TTC3: variants seen among roughly 807,000 people sequenced by gnomAD.
TTC3 encodes E3 ubiquitin-protein ligase TTC3.
TTC3 carries 180 observed loss-of-function variants against 249.6 expected under a neutral mutation model. The ratio of observed to expected loss-of-function variants is 0.72; its 90% confidence interval spans 0.64 to 0.82. TTC3 has a LOEUF of 0.82. TTC3 is among the 40% of genes least tolerant of loss of function. The pLI, the probability that TTC3 is intolerant of heterozygous loss-of-function variation, is 0.00. For missense variants in TTC3, 2,061 were observed against 2,398.4 expected, an observed-to-expected ratio of 0.86 and a Z score of 2.94; for synonymous variants, 717 against 805.0, an observed-to-expected ratio of 0.89 and a Z score of 1.85.
intron 41 of TTC3, among the ~76,000 whole-genome samples, chr21:37,193,491 T>TA (rs1182868803): frequency 6.6e-6 from 1 of 152,248 alleles, no homozygotes; most frequent in Non-Finnish European, 1.5e-5. Flanking sequence ...AAAGGGCACT[T>TA]ATCATTTATC....
chr21:37,197,322 A>G (rs112905572), intron 42 of TTC3, among the ~76,000 whole-genome samples: 1,557 of 151,712 alleles, frequency 0.01, 16 homozygotes, highest in East Asian at 0.03. Context: ...TGAGAGGCAG[A>G]GGTTGCAGTG....
intron 5 of TTC3, among the ~76,000 whole-genome samples, chr21:37,089,523 A>T (rs2147675718): frequency 1.3e-5 from 2 of 152,124 alleles, no homozygotes; most frequent in Middle Eastern, 6.8e-3. Flanking sequence ...TATTATTATT[A>T]TTATTTTTGA....
intron 7 of TTC3, among the ~76,000 whole-genome samples, chr21:37,091,843 A>C (rs1446485663): frequency 6.6e-6 from 1 of 152,208 alleles, no homozygotes; most frequent in Non-Finnish European, 1.5e-5. Context: ...GGCCTCCCAA[A>C]GTGCTGGGAT....
chr21:37,129,678 T>A (rs931764772), intron 16 of TTC3, among the ~76,000 whole-genome samples: 1 of 152,186 alleles, frequency 6.6e-6, no homozygotes, highest in Admixed American at 6.5e-5. Context: ...TCACTTAGGC[T>A]GCGGTGCAGT....
chr21:37,085,266 TG>T (rs1406879323), intron 1 of TTC3, among the ~76,000 whole-genome samples: 97 of 152,334 alleles, frequency 6.4e-4, no homozygotes, highest in African/African-American at 2.2e-3. Flanking sequence ...TGCTATAGTT[TG>T]GGTGCTCCAG....
chr21:37,114,411 G>A (rs1318617358), intron 11 of TTC3, among the ~76,000 whole-genome samples: 4 of 152,206 alleles, frequency 2.6e-5, no homozygotes, highest in South Asian at 2.1e-4. Context: ...AGACATTTAT[G>A]TAGCCAACAG....
At chr21:37,162,784 G>C (rs1407719197) in intron 31 of TTC3, among the ~76,000 whole-genome samples, 1 of 143,344 alleles carries the variant, frequency 7.0e-6, no homozygotes, top group African/African-American at 2.6e-5. Context: ...CTTACACACA[G>C]AAATTTATTT....
In TTC3 at chr21:37,160,787, C is replaced by G. The variant is rs751739775; in HGVS notation, c.3040-15C>G. On this transcript the variant is annotated splice_polypyrimidine_tract_variant and intron_variant, in intron 29 of 45. Transcript: ENST00000355666. The stretch of plus-strand genomic sequence containing the variant: ...GTTATTTGAGTGTTCACTGATTTTT[C>G]CCCCCATTTTTTAGTTTAGTTCAAC... 21 of 1,610,928 alleles carry G rather than the reference C, an allele frequency of 1.3e-5. No individual in the cohort carries two copies. The highest frequency in any genetic ancestry group is 1.8e-5 in the Non-Finnish European group (21 of 1,178,734).
At chr21:37,147,659 G>T in intron 22 of TTC3, 56 bp downstream of exon 22, 2 of 1,550,100 alleles carry the variant, frequency 1.3e-6, no homozygotes, top group South Asian at 1.2e-5. Context: ...CTTAAAATGG[G>T]CTCAAAACAA....
intron 11 of TTC3, among the ~76,000 whole-genome samples, chr21:37,119,470 A>G (rs990264809): frequency 3.9e-5 from 6 of 152,098 alleles, no homozygotes; most frequent in Non-Finnish European, 8.8e-5. Context: ...GCTGATCAGT[A>G]CTTAGCTGAA....
At chr21:37,080,334 C>A (rs2156076) in intron 1 of TTC3, among the ~76,000 whole-genome samples, 68,990 of 150,150 alleles carry the variant, frequency 0.46, 16,252 homozygotes, top group Non-Finnish European at 0.52. Flanking sequence ...CGATTTCTTA[C>A]TTGTGTTGCC....
chr21:37,138,848 A>G (rs572905386), intron 19 of TTC3, 134 bp downstream of exon 19: 7 of 527,020 alleles, frequency 1.3e-5, no homozygotes, highest in Non-Finnish European at 1.9e-5. Flanking sequence ...AGTTTAATTT[A>G]GTTTGTGTTT....
At chr21:37,126,800 G>A (rs560254092) in intron 15 of TTC3, among the ~76,000 whole-genome samples, 37 of 152,010 alleles carry the variant, frequency 2.4e-4, no homozygotes, top group African/African-American at 8.7e-4. Flanking sequence ...TCTTTTTGCC[G>A]TGTTCTCATG....
intron 15 of TTC3, 93 bp downstream of exon 15, chr21:37,126,236 C>A (rs2077036447): frequency 2.0e-6 from 2 of 1,017,810 alleles, no homozygotes; most frequent in African/African-American, 1.6e-5. Context: ...TGCTTATATC[C>A]ACTCTTGTTC....
intron 27 of TTC3, 110 bp downstream of exon 27, chr21:37,153,387 C>G (rs1226284679): frequency 9.3e-7 from 1 of 1,079,878 alleles, no homozygotes; most frequent in Non-Finnish European, 1.3e-6. Flanking sequence ...AAATGCAGGA[C>G]TATAAATTTG....
chr21:37,169,504 A>G (rs2081542219), intron 34 of TTC3, among the ~76,000 whole-genome samples: 1 of 151,784 alleles, frequency 6.6e-6, no homozygotes, highest in African/African-American at 2.4e-5. Context: ...AGATCACGCC[A>G]GTGTACTCCA....
rs141779400 is a variant in TTC3, at chr21:37,192,614, A to G, written c.5217+401A>G. On this transcript the variant is annotated intron_variant, in intron 41 of 45. Transcript: ENST00000355666. Reference sequence around the variant, plus strand: ...TTTGTGATTCAAGCAGGCCGCTATCACCACCTCAGATTATACTCTTATTCC... The same window carrying G: ...TTTGTGATTCAAGCAGGCCGCTATCGCCACCTCAGATTATACTCTTATTCC... 2.7e-3 allele frequency among the ~76,000 whole-genome samples: 410 copies of G among 151,988 alleles called. 4 individuals carry two copies. The highest frequency in any genetic ancestry group is 0.01 in the Middle Eastern group (3 of 294).
chr21:37,123,431 C>T (rs931891980), intron 13 of TTC3, among the ~76,000 whole-genome samples: 3 of 152,156 alleles, frequency 2.0e-5, no homozygotes, highest in Non-Finnish European at 4.4e-5. Flanking sequence ...TTGCACCAAC[C>T]TAATATTTCC....
At chr21:37,096,279 G>C (rs554924712) in intron 9 of TTC3, among the ~76,000 whole-genome samples, 40 of 152,236 alleles carry the variant, frequency 2.6e-4, no homozygotes, top group Non-Finnish European at 5.0e-4. Context: ...GAGTTACTCT[G>C]TAGTTTGCTA....
Sources: allele counts gnomAD v4.1 joint callset (sites outside exome capture counted in the v4.1 genomes callset), GRCh38; gene constraint gnomAD v4.1.1; transcripts MANE v1.5; gene names NCBI Gene and HGNC (gene_info 2026-07-23, HGNC 2026-07-21).